FOXN3: variants seen among roughly 807,000 people sequenced by gnomAD.
The protein encoded by FOXN3 is forkhead box protein N3.
A neutral mutation model predicts 38.4 loss-of-function variants in FOXN3; 7 were observed. The observed-to-expected ratio is 0.18, with a 90% CI of 0.10 to 0.34. The LOEUF is 0.34. Ranked by LOEUF, FOXN3 falls within the 10% of genes least tolerant of loss-of-function variation. FOXN3 has a pLI of 1.00. For missense variants in FOXN3, 456 were observed against 613.4 expected (o/e 0.74, Z 2.71); for synonymous variants, 230 against 242.2 (o/e 0.95, Z 0.47).
At chr14:89,322,877 G>C (rs1887934809) in intron 3 of FOXN3, among the ~76,000 whole-genome samples, 1 of 152,138 alleles carries the variant, frequency 6.6e-6, no homozygotes, top group Non-Finnish European at 1.5e-5. Flanking sequence ...CAAAGCCTAA[G>C]GATACAGCAG....
chr14:89,238,105 C>T (rs973539150), intron 4 of FOXN3, among the ~76,000 whole-genome samples: 4 of 152,206 alleles, frequency 2.6e-5, no homozygotes, highest in Non-Finnish European at 4.4e-5. Flanking sequence ...AAGGAGGAAA[C>T]TTTAGTCTTT....
intron 1 of FOXN3, among the ~76,000 whole-genome samples, chr14:89,605,537 C>A (rs940951409): frequency 2.6e-5 from 4 of 151,926 alleles, no homozygotes; most frequent in Non-Finnish European, 4.4e-5. Flanking sequence ...TTAGAATATA[C>A]ATGTAATTAC....
intron 1 of FOXN3, among the ~76,000 whole-genome samples, chr14:89,514,796 GTATC>G (rs1894169517): frequency 1.3e-5 from 2 of 152,114 alleles, no homozygotes; most frequent in Non-Finnish European, 1.5e-5. Context: ...TGCCTCCCAT[GTATC>G]TATCTGTCGC....
At chr14:89,428,085 G>T (rs922808564) in intron 1 of FOXN3, among the ~76,000 whole-genome samples, 1 of 151,988 alleles carries the variant, frequency 6.6e-6, no homozygotes, top group East Asian at 1.9e-4. Flanking sequence ...TTTTCAGAGG[G>T]GTGTGAAAGA....
chr14:89,477,522 G>A (rs1197995356), intron 1 of FOXN3, among the ~76,000 whole-genome samples: 1 of 152,128 alleles, frequency 6.6e-6, no homozygotes, highest in Admixed American at 6.5e-5. Context: ...TCCCACTTTC[G>A]GCCTTGGGGC....
At chr14:89,339,584 G>T (rs1200473954) in intron 3 of FOXN3, among the ~76,000 whole-genome samples, 1 of 152,244 alleles carries the variant, frequency 6.6e-6, no homozygotes, top group African/African-American at 2.4e-5. Flanking sequence ...AAGCTCATGG[G>T]AGACAGGCCC....
At chr14:89,216,961 T>C (rs1480276148) in intron 4 of FOXN3, among the ~76,000 whole-genome samples, 1 of 152,212 alleles carries the variant, frequency 6.6e-6, no homozygotes, top group Non-Finnish European at 1.5e-5. Flanking sequence ...CTTCTTATTC[T>C]CTATATCTGC....
intron 1 of FOXN3, among the ~76,000 whole-genome samples, chr14:89,596,454 A>C (rs1440619074): frequency 1.3e-5 from 2 of 152,118 alleles, no homozygotes; most frequent in Non-Finnish European, 2.9e-5. Context: ...GGATTTTAAA[A>C]TTTATATTCA....
At chr14:89,421,220 G>A (rs1364436859), upstream of FOXN3, among the ~76,000 whole-genome samples, 1 of 147,572 alleles carries the variant, frequency 6.8e-6, no homozygotes, top group Non-Finnish European at 1.5e-5. Flanking sequence ...CACAATCTCG[G>A]CTCACTGCAA....
At chr14:89,473,871 T>C (rs1893158201) in intron 1 of FOXN3, among the ~76,000 whole-genome samples, 1 of 152,240 alleles carries the variant, frequency 6.6e-6, no homozygotes, top group South Asian at 2.1e-4. Context: ...CAATTTGTCA[T>C]TTTATTTAAT....
At chr14:89,492,723 A>G (rs924337786) in intron 1 of FOXN3, among the ~76,000 whole-genome samples, 8 of 152,204 alleles carry the variant, frequency 5.3e-5, no homozygotes, top group African/African-American at 1.9e-4. Context: ...ACAAAATAAA[A>G]TAAAACCAAA....
intron 1 of FOXN3, among the ~76,000 whole-genome samples, chr14:89,475,904 C>T (rs1315491147): frequency 6.6e-6 from 1 of 152,162 alleles, no homozygotes; most frequent in Non-Finnish European, 1.5e-5. Flanking sequence ...CAAGATCCAA[C>T]AACACAGGGA....
At chr14:89,615,401 T>G (rs1269596130) in intron 1 of FOXN3, among the ~76,000 whole-genome samples, 1 of 152,218 alleles carries the variant, frequency 6.6e-6, no homozygotes, top group African/African-American at 2.4e-5. Context: ...TCATTTGTAT[T>G]AGGAAAATAA....
intron 1 of FOXN3, among the ~76,000 whole-genome samples, chr14:89,513,542 G>A (rs1483699781): frequency 1.3e-5 from 2 of 151,968 alleles, no homozygotes; most frequent in Non-Finnish European, 2.9e-5. Flanking sequence ...ACTGCACCCA[G>A]CCCATTGTGT....
intron 4 of FOXN3, among the ~76,000 whole-genome samples, chr14:89,264,689 T>C (rs1320066222): frequency 6.6e-6 from 1 of 151,924 alleles, no homozygotes; most frequent in Non-Finnish European, 1.5e-5. Flanking sequence ...TCCCCATGAG[T>C]TTCCATCGTC....
chr14:89,397,657 T>C lies in FOXN3; in HGVS notation c.543+14277A>G, dbSNP rs759367. ...GCCTACCTTCCCAAACTTATTTCTCTCTCTATCCCACTGTGACCCTTTGTT... is the reference window on the plus strand; with the variant it reads ...GCCTACCTTCCCAAACTTATTTCTCCCTCTATCCCACTGTGACCCTTTGTT... On this transcript the variant is annotated intron_variant, in intron 2 of 5. Coordinates refer to ENST00000557258, the MANE Select transcript of FOXN3 (RefSeq NM_005197.4). 4.5e-3 allele frequency among the ~76,000 whole-genome samples: 678 copies of C among 152,044 alleles called. 6 individuals are homozygous for C. Among genetic ancestry groups the C allele is most frequent in the Non-Finnish European group, 7.4e-3 (504 of 67,984 alleles).
intron 3 of FOXN3, among the ~76,000 whole-genome samples, chr14:89,304,655 C>T (rs1252014533): frequency 1.3e-5 from 2 of 152,080 alleles, no homozygotes; most frequent in Admixed American, 6.6e-5. Context: ...GTTCTGAAAA[C>T]TGGGCCCAAA....
At chr14:89,503,922 A>G (rs894284297) in intron 1 of FOXN3, among the ~76,000 whole-genome samples, 5 of 152,236 alleles carry the variant, frequency 3.3e-5, no homozygotes, top group African/African-American at 9.6e-5. Context: ...ACAGGCTCTA[A>G]TATCAAGCCC....
intron 4 of FOXN3, among the ~76,000 whole-genome samples, chr14:89,280,068 A>G (rs564491979): frequency 6.6e-6 from 1 of 152,304 alleles, no homozygotes; most frequent in African/African-American, 2.4e-5. Context: ...TAGCACAGCC[A>G]AACTCATCCA....
Sources: allele counts gnomAD v4.1 joint callset (sites outside exome capture counted in the v4.1 genomes callset), GRCh38; gene constraint gnomAD v4.1.1; transcripts MANE v1.5; gene names NCBI Gene and HGNC (gene_info 2026-07-23, HGNC 2026-07-21).